MTHFD2: variants seen among roughly 807,000 people sequenced by gnomAD.
MTHFD2 encodes the protein methylenetetrahydrofolate dehydrogenase (NADP+ dependent) 2, methenyltetrahydrofolate cyclohydrolase.
In MTHFD2, 26 loss-of-function variants were observed where a neutral mutation model predicts 36.8. That is an observed-to-expected ratio of 0.71 (90% CI 0.52 to 0.98). The LOEUF (loss-of-function observed/expected upper bound fraction) is 0.98, where lower values mean the gene tolerates loss of function less well. MTHFD2 is among the 50% of genes least tolerant of loss of function. The pLI is 0.00. For synonymous variants in MTHFD2, 164 were observed against 155.2 expected, an observed-to-expected ratio of 1.06 and a Z score of -0.42; for missense variants, 373 against 434.0, an observed-to-expected ratio of 0.86 and a Z score of 1.25.
At chr2:74,213,314 T>C (rs1336584782) in intron 7 of MTHFD2, among the ~76,000 whole-genome samples, 1 of 147,838 alleles carries the variant, frequency 6.8e-6, no homozygotes, top group Non-Finnish European at 1.5e-5. Flanking sequence ...TCCCTCTCTG[T>C]TGCCCAGGCT....
chr2:74,213,256 C>T (rs1265796123), intron 7 of MTHFD2, among the ~76,000 whole-genome samples: 1 of 138,074 alleles, frequency 7.2e-6, no homozygotes, highest in Non-Finnish European at 1.6e-5. Context: ...TGCTGATAAT[C>T]CTTTTTTTCT....
chr2:74,203,740 A>G (rs1459781841), intron 1 of MTHFD2, among the ~76,000 whole-genome samples: 6 of 152,172 alleles, frequency 3.9e-5, no homozygotes, highest in Non-Finnish European at 8.8e-5. Context: ...AGATTACTTC[A>G]TTGGTCTTGA....
intron 1 of MTHFD2, among the ~76,000 whole-genome samples, chr2:74,198,986 C>T (rs1362224626): frequency 3.3e-5 from 5 of 152,160 alleles, no homozygotes; most frequent in Admixed American, 2.6e-4. Context: ...GAGCCGCTCT[C>T]CTGCGACTCG....
chr2:74,203,843 C>CTAGTTTAGTT (rs1171944961), intron 1 of MTHFD2, among the ~76,000 whole-genome samples: 1,557 of 80,504 alleles, frequency 0.019, 41 homozygotes, highest in South Asian at 0.021. Context: ...AGATGCTCAT[C>CTAGTTTAGTT]TAGTTTAGTT....
chr2:74,203,966 T>C (rs1263602850), intron 1 of MTHFD2, among the ~76,000 whole-genome samples: 1 of 151,944 alleles, frequency 6.6e-6, no homozygotes. Context: ...CAGGCTAGAG[T>C]GCAGTGGGGT....
At chr2:74,203,877 T>TTTAG in intron 1 of MTHFD2, among the ~76,000 whole-genome samples, 1 of 87,000 alleles carries the variant, frequency 1.1e-5, no homozygotes, top group African/African-American at 4.0e-5. Context: ...TTTAGTTTAG[T>TTTAG]TTAGTTTAGT....
Position 74,203,843 on chromosome 2 carries a change from C to CTATTTTATTTTATTT in MTHFD2, c.102-1860_102-1859insTTTTATTTTATTTTA, listed in dbSNP as rs1273238169. 1.0e-3 allele frequency among the ~76,000 whole-genome samples: 84 copies of CTATTTTATTTTATTT among 80,628 alleles called. 2 individuals carry two copies. Among genetic ancestry groups the CTATTTTATTTTATTT allele is most frequent in the Admixed American group, 8.5e-3 (64 of 7,562 alleles). 52.9% of individuals were successfully genotyped at this position (80,628 alleles called of 152,430 possible). ...TTTTACTTAAGGAAGAGATGCTCAT[C>CTATTTTATTTTATTT]TAGTTTAGTTTAGTTTAGTTTAGTT... is the stretch of plus-strand genomic sequence containing the variant. On this transcript the variant is annotated intron_variant, in intron 1 of 7. Transcript: ENST00000394053.
At chr2:74,209,245 CT>C (rs745993078) in intron 4 of MTHFD2, among the ~76,000 whole-genome samples, 1 of 146,916 alleles carries the variant, frequency 6.8e-6, no homozygotes, top group Non-Finnish European at 1.5e-5. Flanking sequence ...TTTTCTTTTT[CT>C]TTTTTTTTGT....
At chr2:74,201,724 C>T (rs771806132) in intron 1 of MTHFD2, among the ~76,000 whole-genome samples, 1 of 152,166 alleles carries the variant, frequency 6.6e-6, no homozygotes, top group South Asian at 2.1e-4. Context: ...TTGGATTCCC[C>T]GTGGGACTTA....
At chr2:74,208,839 C>A in intron 4 of MTHFD2, 118 bp downstream of exon 4, 2 of 1,066,334 alleles carry the variant, frequency 1.9e-6, no homozygotes, top group Non-Finnish European at 2.7e-6. Context: ...TCTAGTCTTA[C>A]TCCCCAAAGT....
rs376901195 is a variant in MTHFD2, at chr2:74,198,640, C to T, written c.-2C>T. 5.0e-6 allele frequency: 8 copies of T among 1,606,832 alleles called. No individual in the cohort carries two copies. Among genetic ancestry groups the T allele is most frequent in the East Asian group, 2.2e-5 (1 of 44,528 alleles). ...CTCCCGGCGCAGTCACCGGCGCGGT[C>T]TATGGCTGCGACTTCTCTAATGTCT... On this transcript the variant is annotated 5_prime_UTR_variant, in exon 1 of 8. Coordinates refer to ENST00000394053, the MANE Select transcript of MTHFD2 (RefSeq NM_006636.4).
At chr2:74,211,319 G>A (rs776987701) in intron 6 of MTHFD2, 28 bp downstream of exon 6, 1 of 1,435,390 alleles carries the variant, frequency 7.0e-7, no homozygotes, top group South Asian at 1.2e-5. Context: ...ATGGAGGGAA[G>A]GACTTCACCT....
intron 1 of MTHFD2, among the ~76,000 whole-genome samples, chr2:74,204,672 G>A (rs941819113): frequency 2.0e-5 from 3 of 152,160 alleles, no homozygotes; most frequent in South Asian, 2.1e-4. Context: ...TGGATGATAT[G>A]GTGGGGTCCC....
chr2:74,208,112 T>C (rs1462528744), intron 3 of MTHFD2, among the ~76,000 whole-genome samples: 4 of 152,150 alleles, frequency 2.6e-5, no homozygotes, highest in Non-Finnish European at 5.9e-5. Flanking sequence ...TCTGTCTGTG[T>C]TGCCTGGGCT....
Position 74,214,143 on chromosome 2 carries a change from A to C in MTHFD2, c.954A>C (p.Ala318=). ...VPGGVGPMTV[A]MLMKNTIIAA... ...GAGGTGTTGGCCCCATGACAGTGGCAATGCTAATGAAGAATACCATTATTG... is the reference window on the plus strand; with the variant it reads ...GAGGTGTTGGCCCCATGACAGTGGCCATGCTAATGAAGAATACCATTATTG... The change falls in exon 8 of 8, where the codon GCA becomes GCC. Residue 318 remains alanine, a synonymous_variant. Transcript: ENST00000394053. 2 of 1,614,124 alleles carry C rather than the reference A, an allele frequency of 1.2e-6. No individual in the cohort carries two copies. Among genetic ancestry groups the C allele is most frequent in the Non-Finnish European group, 1.7e-6 (2 of 1,179,976 alleles).
chr2:74,214,437 A>G lies in MTHFD2; in HGVS notation c.*195A>G, dbSNP rs1694385021. 3 of 495,446 alleles carry G rather than the reference A, an allele frequency of 6.1e-6. No individual in the cohort carries two copies. Among genetic ancestry groups the G allele is most frequent in the Non-Finnish European group, 7.0e-6 (2 of 285,042 alleles). 30.7% of individuals were successfully genotyped at this position (495,446 alleles called of 1,614,324 possible). A position where few individuals can be genotyped will look rare whatever the true frequency, so the allele number is the denominator to read the frequency against. ...CCTCACCAGGGAGCATTCCAGTATC[A>G]TGCAGGGTCCTGTGATCTAGCCAGG... On this transcript the variant is annotated 3_prime_UTR_variant, in exon 8 of 8. Transcript: ENST00000394053.
Position 74,211,814 on chromosome 2 carries a change from T to A in MTHFD2, c.837T>A (p.Val279=), listed in dbSNP as rs371162148. ...TCATTGATGTGGGAATAAATAGAGT[T>A]CACGATCCTGTAACTGCCAAACCCA... The part of the protein sequence containing the change: ...AAVIDVGINR[V]HDPVTAKPKL... Residue 279 remains valine, a synonymous_variant, in exon 7 of 8, where the codon GTT becomes GTA. Transcript: ENST00000394053. 1 of 1,611,870 alleles carries A rather than the reference T, an allele frequency of 6.2e-7. No individual in the cohort carries two copies. The highest frequency in any genetic ancestry group is 8.5e-7 in the Non-Finnish European group (1 of 1,179,774).
In MTHFD2 at chr2:74,211,064, C is replaced by CCTCCCAAA. The variant is rs1694294148; in HGVS notation, c.671-135_671-134insCTCCCAAA. 16 of 575,602 alleles carry CCTCCCAAA rather than the reference C, an allele frequency of 2.8e-5. No homozygotes were observed. The South Asian group carries it at 3.1e-4, about 11-fold the overall frequency. The allele number at this position is 575,602 out of a possible 1,614,324, so 35.7% of individuals were successfully genotyped here. A position where few individuals can be genotyped will look rare whatever the true frequency, so the allele number is the denominator to read the frequency against. ...CCTCCCAAAGTGCTGGGATTACAGG[C>CCTCCCAAA]GTGAGCCACTGCACCTGGCCGTAAG... On this transcript the variant is annotated intron_variant, in intron 5 of 7. Transcript: ENST00000394053.
At chr2:74,198,861 G>T in intron 1 of MTHFD2, 119 bp downstream of exon 1, 1 of 986,568 alleles carries the variant, frequency 1.0e-6, no homozygotes, top group Non-Finnish European at 1.4e-6. Flanking sequence ...CGCCCCGGCG[G>T]TGGTGGCCGC....
Sources: allele counts gnomAD v4.1 joint callset (sites outside exome capture counted in the v4.1 genomes callset), GRCh38; gene constraint gnomAD v4.1.1; transcripts MANE v1.5; gene names NCBI Gene and HGNC (gene_info 2026-07-23, HGNC 2026-07-21).